The following COL26A1 variants were observed in gnomAD, a reference collection of about 807,000 sequenced individuals.
The protein encoded by COL26A1 is collagen alpha-1(XXVI) chain.
In COL26A1, 41 loss-of-function variants were observed where a neutral mutation model predicts 59.3. That is an observed-to-expected ratio of 0.69 (90% CI 0.54 to 0.90). The LOEUF is 0.90. Among genes scored for constraint, COL26A1 ranks in the 40% least tolerant of loss-of-function variants. COL26A1 has a pLI of 0.00. For synonymous variants in COL26A1, 266 were observed against 256.0 expected, an observed-to-expected ratio of 1.04 and a Z score of -0.37; for missense variants, 612 against 602.3, an observed-to-expected ratio of 1.02 and a Z score of -0.17.
chr7:101,385,016 C>T (rs1009625484), intron 1 of COL26A1, among the ~76,000 whole-genome samples: 2 of 152,038 alleles, frequency 1.3e-5, no homozygotes, highest in African/African-American at 4.8e-5. Context: ...GAAGACTCAG[C>T]AAGTCAGCTC....
At chr7:101,519,864 C>T (rs1459010834) in intron 3 of COL26A1, among the ~76,000 whole-genome samples, 2 of 152,176 alleles carry the variant, frequency 1.3e-5, no homozygotes, top group Admixed American at 1.3e-4. Context: ...TGGATCACAT[C>T]ACCGCGGCTC....
At chr7:101,447,657 GC>G in intron 2 of COL26A1, 26 bp from the exon 3 acceptor site, 3 of 1,463,106 alleles carry the variant, frequency 2.1e-6, no homozygotes, top group South Asian at 1.2e-5. Context: ...GGGAGCTCAT[GC>G]CCCCCTGACG....
rs537584738 is a variant in COL26A1 at position 101,410,337 on chromosome 7, G to T, written c.159-9640G>T. 2.0e-4 allele frequency among the ~76,000 whole-genome samples: 31 copies of T among 152,268 alleles called. No individual in the cohort carries two copies. The South Asian group carries it at 6.2e-3, about 31-fold the overall frequency. On this transcript the variant is annotated intron_variant, in intron 1 of 12. Coordinates refer to ENST00000313669, the MANE Select transcript of COL26A1 (RefSeq NM_001278563.3). ...AGTTATTACAGAAGAGCAAACTAGG[G>T]AAAAATAGTGGGTTCTTGTTTTACC... is the stretch of plus-strand genomic sequence containing the variant.
intron 3 of COL26A1, among the ~76,000 whole-genome samples, chr7:101,519,142 A>G (rs1303328769): frequency 1.3e-5 from 2 of 152,178 alleles, no homozygotes; most frequent in Non-Finnish European, 2.9e-5. Flanking sequence ...ATCTCCAGGT[A>G]ATCTGTCTGG....
chr7:101,514,704 G>A (rs981788330), intron 3 of COL26A1, among the ~76,000 whole-genome samples: 1 of 152,248 alleles, frequency 6.6e-6, no homozygotes, highest in African/African-American at 2.4e-5. Flanking sequence ...CCTGGGCCCA[G>A]CCTGCAGAAC....
chr7:101,467,956 G>T (rs910538348), intron 3 of COL26A1, among the ~76,000 whole-genome samples: 1 of 152,140 alleles, frequency 6.6e-6, no homozygotes, highest in Non-Finnish European at 1.5e-5. Flanking sequence ...CACGGCTGCC[G>T]GCATTTACAT....
intron 8 of COL26A1, among the ~76,000 whole-genome samples, chr7:101,548,307 G>C (rs1452805720): frequency 6.6e-6 from 1 of 152,136 alleles, no homozygotes; most frequent in Non-Finnish European, 1.5e-5. Context: ...GGGCCCGTGT[G>C]GGGTCATGAG....
rs11981155 is a variant in COL26A1 at position 101,489,856 on chromosome 7, T to C, written c.385+42069T>C. Among the ~76,000 whole-genome samples the C allele has an allele frequency of 1.5e-3, 57 of 39,156 alleles. 7 individuals carry two copies. Among genetic ancestry groups the C allele is most frequent in the African/African-American group, 5.2e-3 (29 of 5,620 alleles). 25.7% of individuals were successfully genotyped at this position (39,156 alleles called of 152,430 possible). ...TTTCTTTCTTTCTTTCTTTCTTTCTTTCTTTCTTTCTTTCTTTCTTTCTTT... is the reference window on the plus strand; with the variant it reads ...TTTCTTTCTTTCTTTCTTTCTTTCTCTCTTTCTTTCTTTCTTTCTTTCTTT... On this transcript the variant is annotated intron_variant, in intron 3 of 12. Transcript: ENST00000313669.
chr7:101,421,469 C>T (rs1346826941), intron 2 of COL26A1, among the ~76,000 whole-genome samples: 1 of 151,704 alleles, frequency 6.6e-6, no homozygotes, highest in Non-Finnish European at 1.5e-5. Context: ...GAGGTCAGGA[C>T]TTTGAGAGCA....
intron 1 of COL26A1, 53 bp from the exon 2 acceptor site, chr7:101,419,924 G>C: frequency 6.3e-7 from 1 of 1,593,558 alleles, no homozygotes; most frequent in Non-Finnish European, 8.6e-7. Context: ...CTGACCCGAA[G>C]TTGGCAGCTC....
chr7:101,393,017 T>C (rs1038246047), intron 1 of COL26A1, among the ~76,000 whole-genome samples: 4 of 151,654 alleles, frequency 2.6e-5, no homozygotes, highest in Non-Finnish European at 5.9e-5. Flanking sequence ...TTTTTTTTTT[T>C]TTTGAGATGG....
intron 7 of COL26A1, among the ~76,000 whole-genome samples, chr7:101,546,839 G>A (rs1471298405): frequency 2.7e-5 from 4 of 150,794 alleles, no homozygotes; most frequent in Non-Finnish European, 5.9e-5. Context: ...GTGGGATGGA[G>A]CCTGGAAGAA....
At chr7:101,410,034 A>T (rs1435394764) in intron 1 of COL26A1, among the ~76,000 whole-genome samples, 6 of 152,002 alleles carry the variant, frequency 3.9e-5, no homozygotes, top group Non-Finnish European at 8.8e-5. Flanking sequence ...TGCTGGGATT[A>T]TGGGTGTGAG....
intron 1 of COL26A1, among the ~76,000 whole-genome samples, chr7:101,399,221 G>C (rs957624328): frequency 2.0e-5 from 3 of 152,092 alleles, no homozygotes; most frequent in Non-Finnish European, 2.9e-5. Flanking sequence ...CGAGAGGATT[G>C]CTTGAGCCCA....
chr7:101,549,952 C>A (rs767539129), intron 9 of COL26A1, among the ~76,000 whole-genome samples: 2 of 152,192 alleles, frequency 1.3e-5, no homozygotes, highest in Non-Finnish European at 2.9e-5. Context: ...GTTCGCCCTG[C>A]CTCTGCAGCT....
chr7:101,367,671 GAAA>G (rs60293558), intron 1 of COL26A1, among the ~76,000 whole-genome samples: 49,118 of 111,530 alleles, frequency 0.44, 9,949 homozygotes, highest in East Asian at 0.68. Flanking sequence ...TCTCAAAAAA[GAAA>G]AAAAAAAAAA....
intron 3 of COL26A1, among the ~76,000 whole-genome samples, chr7:101,469,775 C>G (rs1204619466): frequency 6.6e-6 from 1 of 151,962 alleles, no homozygotes; most frequent in Admixed American, 6.6e-5. Context: ...CAGGCGTGAA[C>G]CACCGCGCCC....
At chr7:101,460,524 T>A (rs1274616391) in intron 3 of COL26A1, among the ~76,000 whole-genome samples, 1 of 152,142 alleles carries the variant, frequency 6.6e-6, no homozygotes, top group Non-Finnish European at 1.5e-5. Context: ...GGCTCACACC[T>A]GTAATCCCAG....
chr7:101,488,349 AATATATATAT>A (rs368433793), intron 3 of COL26A1, among the ~76,000 whole-genome samples: 9 of 104,988 alleles, frequency 8.6e-5, no homozygotes, highest in South Asian at 6.1e-4. Context: ...AATTTTATTT[AATATATATAT>A]ATATATATAT....
Sources: allele counts gnomAD v4.1 joint callset (sites outside exome capture counted in the v4.1 genomes callset), GRCh38; gene constraint gnomAD v4.1.1; transcripts MANE v1.5; gene names NCBI Gene and HGNC (gene_info 2026-07-23, HGNC 2026-07-21).